FBXO15: variants seen among roughly 807,000 people sequenced by gnomAD.
FBXO15 encodes the protein F-box only protein 15.
FBXO15 carries 30 observed loss-of-function variants against 49.5 expected under a neutral mutation model. The observed-to-expected ratio is 0.61, with a 90% CI of 0.45 to 0.82. The LOEUF (loss-of-function observed/expected upper bound fraction) is 0.82, where lower values mean the gene tolerates loss of function less well. FBXO15 is among the 40% of genes least tolerant of loss of function. FBXO15 has a pLI of 0.00. For synonymous variants in FBXO15, 250 were observed against 232.7 expected, an observed-to-expected ratio of 1.07 and a Z score of -0.68; for missense variants, 591 against 631.5, an observed-to-expected ratio of 0.94 and a Z score of 0.69.
chr18:74,085,484 T>C (rs1207259685), intron 8 of FBXO15, among the ~76,000 whole-genome samples: 1 of 152,148 alleles, frequency 6.6e-6, no homozygotes, highest in Non-Finnish European at 1.5e-5. Flanking sequence ...TCCCAGCTAC[T>C]CAGGAGGCTG....
intron 8 of FBXO15, chr18:74,097,407 G>A (rs1913326705): frequency 6.8e-6 from 1 of 146,152 alleles, no homozygotes; most frequent in Non-Finnish European, 1.5e-5. Context: ...GGGGTTGGGA[G>A]GATGAGGGGG....
chr18:74,075,268 T>A lies in FBXO15; in HGVS notation c.1264-1538A>T, dbSNP rs1391411341. ...CAGACAGGGGAGAAGGATGTTTTCC[T>A]CAACTTCCCACTGCAGATCCACAGC... is the stretch of plus-strand genomic sequence containing the variant. On this transcript the variant is annotated intron_variant, in intron 9 of 9. Transcript: ENST00000419743. The surrounding 1 kb of genome is among the most constrained non-coding windows in gnomAD (Gnocchi z 4.1). 6.6e-6 allele frequency among the ~76,000 whole-genome samples: 1 copy of A among 152,154 alleles called. No individual in the cohort carries two copies. Among genetic ancestry groups the A allele is most frequent in the Non-Finnish European group, 1.5e-5 (1 of 68,020 alleles).
chr18:74,077,578 C>T (rs931529722), intron 9 of FBXO15, among the ~76,000 whole-genome samples: 2 of 152,184 alleles, frequency 1.3e-5, no homozygotes, highest in Admixed American at 6.5e-5. Context: ...CTGCTTCCTG[C>T]ATGACAGGGA....
intron 1 of FBXO15, among the ~76,000 whole-genome samples, chr18:74,147,318 G>C (rs1310484951): frequency 6.6e-6 from 1 of 152,124 alleles, no homozygotes; most frequent in Non-Finnish European, 1.5e-5. Context: ...GGTTACAGAA[G>C]AGCGAAAATA....
chr18:74,087,638 A>G lies in FBXO15; in HGVS notation c.1139-5587T>C, dbSNP rs138925769. Among the ~76,000 whole-genome samples, 24 of 152,288 alleles carry G rather than the reference A, an allele frequency of 1.6e-4. 1 individual carries two copies. The East Asian group carries it at 4.4e-3, about 28-fold the overall frequency. On this transcript the variant is annotated intron_variant, in intron 8 of 9. Coordinates refer to ENST00000419743, the MANE Select transcript of FBXO15 (RefSeq NM_001142958.2). ...ACTGATGGGCATTTAAGTTGACTCT[A>G]TGTCTTTGCTATTGTGAATAGTGCT... is the stretch of plus-strand genomic sequence containing the variant.
At chr18:74,078,619 T>G (rs1173114120) in intron 9 of FBXO15, 2 of 152,466 alleles carry the variant, frequency 1.3e-5, no homozygotes, top group African/African-American at 4.8e-5. Context: ...TGTCAGAACC[T>G]CTCATGAGCC....
chr18:74,138,866 T>C (rs1017193763), intron 2 of FBXO15, among the ~76,000 whole-genome samples: 1 of 152,206 alleles, frequency 6.6e-6, no homozygotes, highest in Non-Finnish European at 1.5e-5. Context: ...ATGTCAGCCA[T>C]GCCCCCAACT....
chr18:74,123,645 C>CTTCAATACTG (rs1272984737), intron 7 of FBXO15, 135 bp from the exon 8 acceptor site: 1 of 945,662 alleles, frequency 1.1e-6, no homozygotes, highest in East Asian at 2.7e-5. Context: ...ATAGGATTCC[C>CTTCAATACTG]TATAATCTTC....
intron 5 of FBXO15, 41 bp from the exon 6 acceptor site, chr18:74,126,142 C>CT: frequency 6.2e-7 from 1 of 1,609,004 alleles, no homozygotes; most frequent in South Asian, 1.1e-5. Flanking sequence ...GAGAAGTGAG[C>CT]TTTCCTGTCC....
At chr18:74,126,365 G>A (rs1914711900) in intron 5 of FBXO15, among the ~76,000 whole-genome samples, 1 of 152,212 alleles carries the variant, frequency 6.6e-6, no homozygotes, top group South Asian at 2.1e-4. Flanking sequence ...GAAGTTGAAG[G>A]ACCAGGAAAG....
intron 9 of FBXO15, among the ~76,000 whole-genome samples, chr18:74,079,408 C>T (rs988892920): frequency 3.3e-5 from 5 of 152,076 alleles, no homozygotes; most frequent in African/African-American, 1.2e-4. Context: ...TAACACGTGG[C>T]CACTGAAAGC....
intron 8 of FBXO15, among the ~76,000 whole-genome samples, chr18:74,121,944 C>T (rs1914486484): frequency 6.6e-6 from 1 of 152,160 alleles, no homozygotes; most frequent in Non-Finnish European, 1.5e-5. Flanking sequence ...AAACGCCCTC[C>T]ACTTGTAAGA....
In FBXO15 at chr18:74,074,830, G is replaced by A. The variant is rs1400055916; in HGVS notation, c.1264-1100C>T. On this transcript the variant is annotated intron_variant, in intron 9 of 9. Transcript: ENST00000419743. The surrounding 1 kb of genome is among the most constrained non-coding windows in gnomAD (Gnocchi z 4.7). ...CCGCAGTGGATATGTAAAAAGGCCT[G>A]AAGAGCACTGCCCATGGACCTAGCC... Among the ~76,000 whole-genome samples, 1 of 152,172 alleles carries A rather than the reference G, an allele frequency of 6.6e-6. No individual in the cohort carries two copies. The highest frequency in any genetic ancestry group is 1.5e-5 in the Non-Finnish European group (1 of 68,026).
intron 8 of FBXO15, among the ~76,000 whole-genome samples, chr18:74,111,760 T>G (rs1316467226): frequency 2.6e-5 from 4 of 152,098 alleles, no homozygotes; most frequent in Non-Finnish European, 5.9e-5. Context: ...GCTGGTTTTT[T>G]TGGAAATAAC....
At chr18:74,108,668 A>C (rs1913879124) in intron 8 of FBXO15, among the ~76,000 whole-genome samples, 1 of 152,210 alleles carries the variant, frequency 6.6e-6, no homozygotes. Context: ...GATGTCCCCA[A>C]GTTAAAAGTC....
At chr18:74,144,147 T>C (rs1979259401) in intron 1 of FBXO15, among the ~76,000 whole-genome samples, 1 of 152,220 alleles carries the variant, frequency 6.6e-6, no homozygotes, top group South Asian at 2.1e-4. Flanking sequence ...TTACTTTCAG[T>C]AACAAAAACC....
chr18:74,112,229 CAAGAA>C (rs1914059974), intron 8 of FBXO15, among the ~76,000 whole-genome samples: 2 of 152,080 alleles, frequency 1.3e-5, no homozygotes, highest in Admixed American at 6.6e-5. Flanking sequence ...AAAAACATTG[CAAGAA>C]AAGAAAACTA....
rs760430917 is a variant in FBXO15, at chr18:74,147,696, C to T, written c.90G>A (p.Arg30=). The change falls in exon 1 of 10, where the codon CGG becomes CGA. Residue 30 remains arginine (R), a synonymous_variant. Coordinates refer to ENST00000419743, the MANE Select transcript of FBXO15 (RefSeq NM_001142958.2). The part of the protein sequence containing the change: ...RGPSRGGGAA[R]GRARAFGCRK... ...TGCACCCAAAGGCCCTGGCGCGCCCCCGGGCCGCGCCACCGCCCCTGCTGG... is the reference window on the plus strand; with the variant it reads ...TGCACCCAAAGGCCCTGGCGCGCCCTCGGGCCGCGCCACCGCCCCTGCTGG... The T allele has an allele frequency of 7.7e-5, 117 of 1,519,198 alleles. 1 individual carries two copies. In the Middle Eastern group the frequency reaches 8.2e-4, roughly 11 times the overall value. 94.1% of individuals were successfully genotyped at this position (1,519,198 alleles called of 1,614,324 possible). A position where few individuals can be genotyped will look rare whatever the true frequency, so the allele number is the denominator to read the frequency against.
chr18:74,138,875 C>T (rs977367752), intron 2 of FBXO15, among the ~76,000 whole-genome samples: 8 of 152,178 alleles, frequency 5.3e-5, no homozygotes, highest in African/African-American at 1.9e-4. Flanking sequence ...ATGCCCCCAA[C>T]TATATCTCCC....
Sources: allele counts gnomAD v4.1 joint callset (sites outside exome capture counted in the v4.1 genomes callset), GRCh38; gene constraint gnomAD v4.1.1; non-coding constraint Gnocchi (gnomAD v3.1); transcripts MANE v1.5; gene names NCBI Gene and HGNC (gene_info 2026-07-23, HGNC 2026-07-21).